The following SLC2A13 variants were observed in gnomAD, a reference collection of about 807,000 sequenced individuals.
The protein encoded by SLC2A13 is proton myo-inositol cotransporter.
SLC2A13 carries 32 observed loss-of-function variants against 64.4 expected under a neutral mutation model. That is an observed-to-expected ratio of 0.50 (90% confidence interval 0.37 to 0.67). The LOEUF (loss-of-function observed/expected upper bound fraction) is 0.67. SLC2A13 is among the 30% of genes least tolerant of loss of function. SLC2A13 has a pLI of 0.00. For synonymous variants in SLC2A13, 338 were observed against 327.1 expected (o/e 1.03, Z -0.36); for missense variants, 743 against 829.2 (o/e 0.90, Z 1.28).
chr12:39,978,294 CT>C (rs1946802669), intron 3 of SLC2A13, among the ~76,000 whole-genome samples: 1 of 152,188 alleles, frequency 6.6e-6, no homozygotes, highest in African/African-American at 2.4e-5. Flanking sequence ...CACACTATCT[CT>C]TTAACAAAGT....
intron 7 of SLC2A13, among the ~76,000 whole-genome samples, chr12:39,827,944 G>C (rs1265945341): frequency 6.6e-6 from 1 of 151,980 alleles, no homozygotes; most frequent in Non-Finnish European, 1.5e-5. Context: ...CTCAACACTC[G>C]ACCTTGAAAT....
intron 2 of SLC2A13, among the ~76,000 whole-genome samples, chr12:40,041,348 T>C (rs1219979227): frequency 2.6e-5 from 4 of 152,200 alleles, no homozygotes; most frequent in African/African-American, 9.7e-5. Flanking sequence ...TGTCCAAGCA[T>C]GACTGGTTCT....
chr12:39,861,520 G>C (rs1468505382), intron 6 of SLC2A13, among the ~76,000 whole-genome samples: 2 of 152,144 alleles, frequency 1.3e-5, no homozygotes, highest in Admixed American at 6.6e-5. Flanking sequence ...AATACGTCAA[G>C]TATTTGAGGG....
rs776070011 is a variant in SLC2A13 at position 40,105,480 on chromosome 12, T to C, written c.329A>G (p.Lys110Arg). 1.5e-4 allele frequency: 234 copies of C among 1,571,258 alleles called. 2 individuals carry two copies. The Middle Eastern group carries it at 3.2e-3, about 21-fold the overall frequency. Residue 110 changes from lysine (K) to arginine (R), a missense_variant, in exon 1 of 10, where the codon AAG (lysine) becomes AGG (arginine). Physicochemically the swap from Lys to Arg is conservative, Grantham distance 26 (BLOSUM62 2). Transcript: ENST00000280871. The surrounding 1 kb of genome is among the most constrained non-coding windows in gnomAD (Gnocchi z 4.2). Reference sequence around the variant, plus strand: ...CAGCGCGTCCAGACTGAGCTGCCGCTTGAGCAGCAGCATGGCCCCTGACAC... The same window carrying C: ...CAGCGCGTCCAGACTGAGCTGCCGCCTGAGCAGCAGCATGGCCCCTGACAC... The part of the protein sequence containing the change: ...GVVSGAMLLL[K>R]RQLSLDALWQ...
chr12:39,976,057 T>C (rs1315631782), intron 3 of SLC2A13, among the ~76,000 whole-genome samples: 1 of 152,208 alleles, frequency 6.6e-6, no homozygotes, highest in Non-Finnish European at 1.5e-5. Flanking sequence ...TCACATGGTG[T>C]CAGCTCTGCT....
At chr12:39,842,438 G>A (rs1943201120) in intron 6 of SLC2A13, among the ~76,000 whole-genome samples, 1 of 151,898 alleles carries the variant, frequency 6.6e-6, no homozygotes, top group South Asian at 2.1e-4. Context: ...GTAAAGTTAT[G>A]CCATTGAGAA....
chr12:39,905,581 A>G (rs1945249590), intron 4 of SLC2A13, among the ~76,000 whole-genome samples: 1 of 152,112 alleles, frequency 6.6e-6, no homozygotes, highest in Non-Finnish European at 1.5e-5. Context: ...AGTACAGTAA[A>G]TGTGTATGAG....
At chr12:39,769,460 A>ATGATCTACACAAGGCATGGC (rs1295162030) in intron 7 of SLC2A13, among the ~76,000 whole-genome samples, 8 of 152,118 alleles carry the variant, frequency 5.3e-5, no homozygotes, top group African/African-American at 1.9e-4. Context: ...ATTACTTTGA[A>ATGATCTACACAAGGCATGGC]CATCAATTTT....
At chr12:39,919,023 C>T (rs924013647) in intron 4 of SLC2A13, among the ~76,000 whole-genome samples, 6 of 151,592 alleles carry the variant, frequency 4.0e-5, no homozygotes, top group Non-Finnish European at 7.4e-5. Flanking sequence ...GTTGTCCAGG[C>T]TGGATGGAGT....
Position 40,105,562 on chromosome 12 carries a change from C to G in SLC2A13, c.247G>C (p.Val83Leu), listed in dbSNP as rs1352985142. 6.3e-7 allele frequency: 1 copy of G among 1,575,956 alleles called. No homozygotes were observed. The highest frequency in any genetic ancestry group is 8.6e-7 in the Non-Finnish European group (1 of 1,163,898). ...QQDETPAFVY[V>L]VAVFSALGGF... ...CCCAGCGCGGAGAAGACGGCCACCA[C>G]GTACACGAAGGCGGGGGTCTCGTCC... is the stretch of plus-strand genomic sequence containing the variant. The change falls in exon 1 of 10, where the codon GTG becomes CTG. Residue 83 changes from valine (V) to leucine (L), a missense_variant. Coordinates refer to ENST00000280871, the MANE Select transcript of SLC2A13 (RefSeq NM_052885.4). This position sits in a 1 kb window ranked among gnomAD's most constrained non-coding sequence, Gnocchi z 4.2.
chr12:39,884,665 A>G (rs948481465), intron 4 of SLC2A13, among the ~76,000 whole-genome samples: 6 of 152,202 alleles, frequency 3.9e-5, no homozygotes, highest in Admixed American at 2.6e-4. Context: ...CGCCATACAT[A>G]TAACAAGGAC....
chr12:39,971,993 A>T (rs1400510697), intron 3 of SLC2A13, among the ~76,000 whole-genome samples: 288 of 21,722 alleles, frequency 0.013, 3 homozygotes, highest in Admixed American at 0.022. Context: ...GAAAAAAAAA[A>T]AAAAATATAT....
At chr12:39,971,182 G>A (rs1341297203) in intron 3 of SLC2A13, among the ~76,000 whole-genome samples, 1 of 151,530 alleles carries the variant, frequency 6.6e-6, no homozygotes, top group Non-Finnish European at 1.5e-5. Flanking sequence ...AATCATTTCG[G>A]GAATAAGACA....
chr12:40,034,246 C>A (rs1007697650), intron 2 of SLC2A13, among the ~76,000 whole-genome samples: 2 of 152,122 alleles, frequency 1.3e-5, no homozygotes, highest in Non-Finnish European at 2.9e-5. Context: ...TTTCAGACAC[C>A]ATACTCATTT....
chr12:39,978,723 C>G (rs1036204713), intron 3 of SLC2A13, among the ~76,000 whole-genome samples: 7 of 152,306 alleles, frequency 4.6e-5, no homozygotes, highest in Admixed American at 3.9e-4. Context: ...GATCAAACTG[C>G]AAGGCGGCAG....
chr12:39,901,038 A>G (rs1053648677), intron 4 of SLC2A13, among the ~76,000 whole-genome samples: 3 of 152,198 alleles, frequency 2.0e-5, no homozygotes, highest in African/African-American at 4.8e-5. Context: ...AACACTGCAT[A>G]TCTACAACCA....
intron 7 of SLC2A13, among the ~76,000 whole-genome samples, chr12:39,789,264 A>G (rs1397273843): frequency 6.6e-6 from 1 of 151,834 alleles, no homozygotes; most frequent in Non-Finnish European, 1.5e-5. Flanking sequence ...CTAAAAATAC[A>G]TATCACTTGG....
rs112456466 is a variant in SLC2A13 at position 39,991,747 on chromosome 12, T to C, written c.925+36554A>G. ...TCTTGTGTGTCAGTATGAAGTTGCC[T>C]AATATTCTTTGTTTGAAAGTATTGT... On this transcript the variant is annotated intron_variant, in intron 3 of 9. Coordinates refer to ENST00000280871, the MANE Select transcript of SLC2A13 (RefSeq NM_052885.4). Among the ~76,000 whole-genome samples, 6 of 152,318 alleles carry C rather than the reference T, an allele frequency of 3.9e-5. 1 individual carries two copies. Among genetic ancestry groups the C allele is most frequent in the African/African-American group, 1.4e-4 (6 of 41,572 alleles).
intron 6 of SLC2A13, among the ~76,000 whole-genome samples, chr12:39,862,586 G>A (rs547696993): frequency 3.3e-5 from 5 of 152,118 alleles, no homozygotes; most frequent in East Asian, 1.9e-4. Context: ...TTTCCTATAC[G>A]GATCACTCCA....
Sources: allele counts gnomAD v4.1 joint callset (sites outside exome capture counted in the v4.1 genomes callset), GRCh38; gene constraint gnomAD v4.1.1; non-coding constraint Gnocchi (gnomAD v3.1); transcripts MANE v1.5; gene names NCBI Gene and HGNC (gene_info 2026-07-23, HGNC 2026-07-21).